Variants in ZBTB16 observed in about 807,000 individuals in gnomAD.
The protein encoded by ZBTB16 is zinc finger and BTB domain-containing protein 16.
Under a neutral mutation model 56.8 loss-of-function variants are expected in ZBTB16, and 8 were observed. The ratio of observed to expected loss-of-function variants is 0.14; its 90% CI spans 0.08 to 0.25. The LOEUF (loss-of-function observed/expected upper bound fraction) is 0.25, where lower values mean the gene tolerates loss of function less well. Ranked by LOEUF, ZBTB16 falls within the 10% of genes least tolerant of loss-of-function variation. The probability of loss-of-function intolerance (pLI) is 1.00; values close to 1 mark genes in which losing one functional copy is unlikely to be tolerated. For synonymous variants in ZBTB16, 363 were observed against 368.5 expected, an observed-to-expected ratio of 0.98 and a Z score of 0.17; for missense variants, 625 against 903.0, an observed-to-expected ratio of 0.69 and a Z score of 3.95.
At chr11:114,204,993 C>T (rs1489548748) in intron 4 of ZBTB16, among the ~76,000 whole-genome samples, 4 of 152,134 alleles carry the variant, frequency 2.6e-5, no homozygotes, top group African/African-American at 7.2e-5. Flanking sequence ...TCATTTGCCA[C>T]GTTAAAACCC....
chr11:114,074,434 T>A (rs1234839247), intron 2 of ZBTB16, among the ~76,000 whole-genome samples: 1 of 152,128 alleles, frequency 6.6e-6, no homozygotes, highest in Non-Finnish European at 1.5e-5. Flanking sequence ...GGAGGGATTG[T>A]TGGAAATTTA....
At chr11:114,090,485 T>G (rs766710314) in intron 2 of ZBTB16, among the ~76,000 whole-genome samples, 10 of 152,144 alleles carry the variant, frequency 6.6e-5, no homozygotes, top group Non-Finnish European at 1.0e-4. Flanking sequence ...GAGCTCCCTC[T>G]CTCCCCTCTG....
chr11:114,148,336 G>GTCCTTCCTTCCTTC (rs1942165328), intron 2 of ZBTB16, among the ~76,000 whole-genome samples: 4 of 52,562 alleles, frequency 7.6e-5, no homozygotes, highest in African/African-American at 2.9e-4. Context: ...TGGCTGGCTG[G>GTCCTTCCTTCCTTC]CTTCCTTCCT....
chr11:114,078,091 G>A (rs1471757067), intron 2 of ZBTB16, among the ~76,000 whole-genome samples: 4 of 152,164 alleles, frequency 2.6e-5, no homozygotes, highest in Non-Finnish European at 4.4e-5. Flanking sequence ...GTGTGAAAGA[G>A]CCTGATGAAA....
In ZBTB16 at chr11:114,252,780, C is replaced by A. The variant is rs377093990; in HGVS notation, c.*2225C>A. Among the ~76,000 whole-genome samples, 1 of 152,040 alleles carries A rather than the reference C, an allele frequency of 6.6e-6. No individual in the cohort carries two copies. Among genetic ancestry groups the A allele is most frequent in the African/African-American group, 2.4e-5 (1 of 41,370 alleles). The stretch of plus-strand genomic sequence containing the variant: ...GAGGGATGGGTGCTGCTGCGACGAC[C>A]CCCCCGTCCCTCGGCCCCAGCCCTC... On this transcript the variant is annotated 3_prime_UTR_variant, in exon 7 of 7. Transcript: ENST00000335953.
rs111607595 is a variant in ZBTB16 at position 114,093,337 on chromosome 11, T to TGG, written c.1268+28770_1268+28771dup. Among the ~76,000 whole-genome samples, 76 of 151,094 alleles carry TGG rather than the reference T, an allele frequency of 5.0e-4. No homozygotes were observed. In the South Asian group the frequency reaches 9.5e-3, roughly 19 times the overall value. On this transcript the variant is annotated intron_variant, in intron 2 of 6. Coordinates refer to ENST00000335953, the MANE Select transcript of ZBTB16 (RefSeq NM_006006.6). Reference sequence around the variant, plus strand: ...GGTGAACACCGTATTGCTGGGGGTGTGGAGGGGGGATGTTGCTGTTTCCCT... The same window carrying TGG: ...GGTGAACACCGTATTGCTGGGGGTGTGGGGAGGGGGGATGTTGCTGTTTCCCT...
At chr11:114,247,589 C>T (rs928547513) in intron 6 of ZBTB16, among the ~76,000 whole-genome samples, 1 of 152,166 alleles carries the variant, frequency 6.6e-6, no homozygotes, top group South Asian at 2.1e-4. Flanking sequence ...CTAATCAATC[C>T]CAGCACACTT....
At chr11:114,116,013 A>G (rs1477961123) in intron 2 of ZBTB16, among the ~76,000 whole-genome samples, 1 of 152,222 alleles carries the variant, frequency 6.6e-6, no homozygotes, top group Non-Finnish European at 1.5e-5. Flanking sequence ...CAATTACTGC[A>G]GATAGATAGG....
chr11:114,195,668 C>G (rs1191260729), intron 4 of ZBTB16, among the ~76,000 whole-genome samples: 2 of 152,154 alleles, frequency 1.3e-5, no homozygotes. Flanking sequence ...GTCAGACTAT[C>G]TAGATTCCAA....
At chr11:114,191,856 A>C (rs1447137470) in intron 4 of ZBTB16, among the ~76,000 whole-genome samples, 1 of 152,180 alleles carries the variant, frequency 6.6e-6, no homozygotes, top group Non-Finnish European at 1.5e-5. Context: ...TTTATAGGGA[A>C]GGGGGAAAAG....
At chr11:114,073,622 C>T (rs1055717816) in intron 2 of ZBTB16, among the ~76,000 whole-genome samples, 4 of 152,188 alleles carry the variant, frequency 2.6e-5, no homozygotes, top group East Asian at 1.9e-4. Flanking sequence ...ACTGTGTCCT[C>T]GGGACCTGAT....
intron 4 of ZBTB16, among the ~76,000 whole-genome samples, chr11:114,224,329 A>G (rs927779505): frequency 1.3e-5 from 2 of 152,252 alleles, no homozygotes. Context: ...GGAATCTAGG[A>G]TAATGCCCAC....
At chr11:114,244,602 GA>G (rs1437187794) in intron 5 of ZBTB16, among the ~76,000 whole-genome samples, 1 of 152,144 alleles carries the variant, frequency 6.6e-6, no homozygotes, top group Non-Finnish European at 1.5e-5. Context: ...TCGGGATGGG[GA>G]TACGTGTGTG....
At chr11:114,169,132 G>A (rs566696088) in intron 3 of ZBTB16, among the ~76,000 whole-genome samples, 43 of 152,294 alleles carry the variant, frequency 2.8e-4, no homozygotes, top group Non-Finnish European at 6.3e-4. Context: ...CTCCTGCATG[G>A]CGACGCAACT....
At chr11:114,111,936 T>C (rs1297345001) in intron 2 of ZBTB16, among the ~76,000 whole-genome samples, 1 of 152,230 alleles carries the variant, frequency 6.6e-6, no homozygotes, top group Non-Finnish European at 1.5e-5. Context: ...TAAACATTTT[T>C]TTTTTGAGGC....
At chr11:114,146,479 G>A in intron 2 of ZBTB16, among the ~76,000 whole-genome samples, 1 of 152,018 alleles carries the variant, frequency 6.6e-6, no homozygotes, top group Admixed American at 6.5e-5. Context: ...GCCACAGGGT[G>A]GTTGAGATGA....
chr11:114,083,158 C>T (rs914151110), intron 2 of ZBTB16, among the ~76,000 whole-genome samples: 8 of 152,184 alleles, frequency 5.3e-5, no homozygotes, highest in South Asian at 2.1e-4. Flanking sequence ...TCATGTAGGC[C>T]GCCCACAGCG....
intron 4 of ZBTB16, among the ~76,000 whole-genome samples, chr11:114,194,133 A>C (rs1352980327): frequency 6.6e-6 from 1 of 152,124 alleles, no homozygotes; most frequent in Non-Finnish European, 1.5e-5. Context: ...CAACACCCTG[A>C]TGTGTACATC....
chr11:114,193,188 T>G (rs1943538622), intron 4 of ZBTB16, among the ~76,000 whole-genome samples: 1 of 152,168 alleles, frequency 6.6e-6, no homozygotes, highest in African/African-American at 2.4e-5. Context: ...TGCCCCCTGC[T>G]GATGTTGAGG....
Sources: allele counts gnomAD v4.1 joint callset (sites outside exome capture counted in the v4.1 genomes callset), GRCh38; gene constraint gnomAD v4.1.1; transcripts MANE v1.5; gene names NCBI Gene and HGNC (gene_info 2026-07-23, HGNC 2026-07-21).